Variants in GALNT13 observed in about 807,000 individuals in gnomAD.
The protein encoded by GALNT13 is UDP-GalNAc:polypeptide N-acetylgalactosaminyltransferase 13.
In GALNT13, 28 loss-of-function variants were observed where a neutral mutation model predicts 64.2. The observed-to-expected ratio is 0.44, with a 90% CI of 0.32 to 0.60. GALNT13 has a LOEUF of 0.60. Ranked by LOEUF, GALNT13 falls within the 20% of genes least tolerant of loss-of-function variation. The probability of loss-of-function intolerance (pLI) is 0.05; values close to 1 mark genes in which losing one functional copy is unlikely to be tolerated. For missense variants in GALNT13, 577 were observed against 669.8 expected (o/e 0.86, Z 1.53); for synonymous variants, 214 against 224.6 (o/e 0.95, Z 0.42).
At chr2:154,055,364 A>G (rs775108788) in intron 3 of GALNT13, among the ~76,000 whole-genome samples, 1 of 152,042 alleles carries the variant, frequency 6.6e-6, no homozygotes, top group Non-Finnish European at 1.5e-5. Context: ...AAGGAAATGC[A>G]ATGTCTTCTT....
At chr2:153,835,814 C>T in the GALNT13 span, among the ~76,000 whole-genome samples, 5 of 151,894 alleles carry the variant, frequency 3.3e-5, no homozygotes, top group East Asian at 7.7e-4. Context: ...AGCAGATTAA[C>T]TCTTATATTT....
the GALNT13 span, among the ~76,000 whole-genome samples, chr2:153,404,181 T>C: frequency 6.6e-6 from 1 of 152,212 alleles, no homozygotes; most frequent in African/African-American, 2.4e-5. Context: ...CAAGGTCTTA[T>C]AGTTCAGGGT....
intron 3 of GALNT13, among the ~76,000 whole-genome samples, chr2:154,005,094 T>G (rs1231143382): frequency 6.6e-6 from 1 of 152,208 alleles, no homozygotes. Flanking sequence ...GTATTTTACC[T>G]CTGTAATTAC....
chr2:154,190,474 G>T (rs950198981), intron 4 of GALNT13, among the ~76,000 whole-genome samples: 23 of 152,178 alleles, frequency 1.5e-4, no homozygotes, highest in East Asian at 1.9e-4. Context: ...GAACTTTTAG[G>T]TTCAGGGATA....
At chr2:153,479,946 C>T in the GALNT13 span, among the ~76,000 whole-genome samples, 1 of 152,138 alleles carries the variant, frequency 6.6e-6, no homozygotes, top group African/African-American at 2.4e-5. Context: ...TCCCTGCCTT[C>T]CTCCCTCTTT....
chr2:153,870,447 A>T (rs1264590371), upstream of GALNT13, among the ~76,000 whole-genome samples: 1 of 151,994 alleles, frequency 6.6e-6, no homozygotes, highest in Non-Finnish European at 1.5e-5. Flanking sequence ...TTTTCTCAGT[A>T]TGCCATGTAG....
chr2:153,116,255 T>TGTTAAATG, the GALNT13 span, among the ~76,000 whole-genome samples: 1 of 152,298 alleles, frequency 6.6e-6, no homozygotes, highest in East Asian at 1.9e-4. Flanking sequence ...TGGCATGTTT[T>TGTTAAATG]GTTAAATGTT....
chr2:153,804,317 G>A, the GALNT13 span, among the ~76,000 whole-genome samples: 1 of 152,074 alleles, frequency 6.6e-6, no homozygotes, highest in Admixed American at 6.5e-5. Context: ...ACAGGCATGT[G>A]CCATCATCAG....
At chr2:154,082,920 A>T (rs1966523) in intron 3 of GALNT13, among the ~76,000 whole-genome samples, 7,686 of 152,024 alleles carry the variant, frequency 0.051, 257 homozygotes, top group South Asian at 0.11. Context: ...GTTTAATTAG[A>T]TCCCATTTGT....
rs574494519 is a variant in GALNT13 at position 154,217,880 on chromosome 2, C to T, written c.312-24150C>T. Among the ~76,000 whole-genome samples, 8 of 152,100 alleles carry T rather than the reference C, an allele frequency of 5.3e-5. No individual in the cohort carries two copies. The East Asian group carries it at 1.5e-3, about 29-fold the overall frequency. On this transcript the variant is annotated intron_variant, in intron 4 of 12. Coordinates refer to ENST00000392825, the MANE Select transcript of GALNT13 (RefSeq NM_052917.4). ...ACAGAATTTATATGCACTTAATCAC[C>T]TCTGGACTTAGTTTAGCAATCTACG... is the stretch of plus-strand genomic sequence containing the variant.
chr2:153,624,565 T>C, the GALNT13 span, among the ~76,000 whole-genome samples: 1 of 152,072 alleles, frequency 6.6e-6, no homozygotes, highest in Non-Finnish European at 1.5e-5. Flanking sequence ...TGGGAAGACA[T>C]GCAACAGAGC....
chr2:154,237,914 G>T (rs1689283237), intron 4 of GALNT13, among the ~76,000 whole-genome samples: 1 of 151,912 alleles, frequency 6.6e-6, no homozygotes, highest in South Asian at 2.1e-4. Context: ...AATTTTATAT[G>T]ATTAAACAAA....
the GALNT13 span, among the ~76,000 whole-genome samples, chr2:153,157,699 G>A: frequency 6.6e-6 from 1 of 152,078 alleles, no homozygotes; most frequent in African/African-American, 2.4e-5. Context: ...GGTTTCTTAT[G>A]TCTCTGTGTA....
chr2:154,171,313 C>T (rs1475499232), intron 4 of GALNT13, among the ~76,000 whole-genome samples: 1 of 152,122 alleles, frequency 6.6e-6, no homozygotes, highest in African/African-American at 2.4e-5. Flanking sequence ...GAAACTTGTT[C>T]TCAATTCCGC....
rs187309797 is a variant in GALNT13 at position 154,180,480 on chromosome 2, G to A, written c.311+39975G>A. 7.3e-5 allele frequency among the ~76,000 whole-genome samples: 11 copies of A among 151,482 alleles called. No homozygotes were observed. In the East Asian group the frequency reaches 2.1e-3, roughly 29 times the overall value. The stretch of plus-strand genomic sequence containing the variant: ...AAATTTACATTTACAATTTCTTGCT[G>A]AAAGATGTACGTTTCTACAGTTATA... On this transcript the variant is annotated intron_variant, in intron 4 of 12. Transcript: ENST00000392825.
At chr2:153,383,603 TG>T in the GALNT13 span, among the ~76,000 whole-genome samples, 1 of 152,058 alleles carries the variant, frequency 6.6e-6, no homozygotes, top group Non-Finnish European at 1.5e-5. Flanking sequence ...GGCTTATCAT[TG>T]GCTTTCTACT....
chr2:154,346,085 C>G (rs1696051964), intron 9 of GALNT13, among the ~76,000 whole-genome samples: 1 of 151,912 alleles, frequency 6.6e-6, no homozygotes. Flanking sequence ...AGGTTCAAGC[C>G]TAGCTCCAGT....
intron 2 of GALNT13, among the ~76,000 whole-genome samples, chr2:153,906,394 C>T (rs1036186122): frequency 7.9e-6 from 1 of 126,238 alleles, no homozygotes; most frequent in Non-Finnish European, 1.7e-5. Context: ...ATCCCTCCCC[C>T]CTCCCCCCAC....
chr2:153,332,224 G>A, the GALNT13 span, among the ~76,000 whole-genome samples: 1 of 151,902 alleles, frequency 6.6e-6, no homozygotes, highest in Non-Finnish European at 1.5e-5. Flanking sequence ...CTAGCTTTGG[G>A]GTTAGCTTGT....
Sources: allele counts gnomAD v4.1 joint callset (sites outside exome capture counted in the v4.1 genomes callset), GRCh38; gene constraint gnomAD v4.1.1; transcripts MANE v1.5; gene names NCBI Gene and HGNC (gene_info 2026-07-23, HGNC 2026-07-21).